The following MLPH variants were observed in gnomAD, a reference collection of about 807,000 sequenced individuals.
MLPH encodes melanophilin.
A neutral mutation model predicts 72.1 loss-of-function variants in MLPH; 51 were observed. That is an observed-to-expected ratio of 0.71 (90% CI 0.56 to 0.89). MLPH has a LOEUF of 0.89. MLPH is among the 40% of genes least tolerant of loss of function. The pLI, the probability that MLPH is intolerant of heterozygous loss-of-function variation, is 0.00. For synonymous variants in MLPH, 301 were observed against 310.1 expected (o/e 0.97, Z 0.31); for missense variants, 743 against 759.9 (o/e 0.98, Z 0.26).
chr2:237,493,830 G>C (rs2079478951), intron 2 of MLPH, among the ~76,000 whole-genome samples: 1 of 152,188 alleles, frequency 6.6e-6, no homozygotes, highest in Non-Finnish European at 1.5e-5. Context: ...TTGAAGAATA[G>C]AGCAAAAGGT....
chr2:237,540,578 G>A lies in MLPH; in HGVS notation c.1290+45G>A, dbSNP rs749329237. 8.2e-6 allele frequency: 13 copies of A among 1,583,668 alleles called. 1 individual carries two copies. The highest frequency in any genetic ancestry group is 1.0e-5 in the Non-Finnish European group (12 of 1,166,000). On this transcript the variant is annotated intron_variant, in intron 10 of 15. Coordinates refer to ENST00000264605, the MANE Select transcript of MLPH (RefSeq NM_024101.7). ...GTCTCAGCAGGACCCTGCAGAGGTA[G>A]GGGCAGGGATGGACAGTCCCAGCTG... is the stretch of plus-strand genomic sequence containing the variant.
intron 6 of MLPH, among the ~76,000 whole-genome samples, 185 bp downstream of exon 6, chr2:237,520,214 C>T (rs2080150829): frequency 6.6e-6 from 1 of 152,158 alleles, no homozygotes; most frequent in Non-Finnish European, 1.5e-5. Context: ...CCTCACACTC[C>T]CCCAGGATTA....
At position 237,513,008 on chromosome 2, in the gene MLPH, A is replaced by G. The variant is rs543402065; in HGVS notation, c.445+1907A>G. On this transcript the variant is annotated intron_variant, in intron 4 of 15. Transcript: ENST00000264605. Reference sequence around the variant, plus strand: ...TTCCCAGCAGCTCCCCCAAGCGCCCACAGGGGCTGCATTCCTCCCTGCTGG... The same window carrying G: ...TTCCCAGCAGCTCCCCCAAGCGCCCGCAGGGGCTGCATTCCTCCCTGCTGG... Among the ~76,000 whole-genome samples the G allele has an allele frequency of 2.5e-4, 38 of 152,170 alleles. 1 individual carries two copies. Among genetic ancestry groups the G allele is most frequent in the African/African-American group, 8.7e-4 (36 of 41,514 alleles).
At chr2:237,548,804 G>A (rs73100972) in intron 13 of MLPH, among the ~76,000 whole-genome samples, 14,338 of 152,250 alleles carry the variant, frequency 0.094, 1,311 homozygotes, top group East Asian at 0.29. Flanking sequence ...GCATAAACCC[G>A]GGAGGCGGAG....
rs1277489343 is a variant in MLPH, at chr2:237,542,576, A to G, written c.1456A>G (p.Ile486Val). The G allele has an allele frequency of 1.2e-6, 2 of 1,601,280 alleles. No homozygotes were observed. The highest frequency in any genetic ancestry group is 1.3e-5 in the African/African-American group (1 of 74,894). ...VQQAESEVSD[I>V]ESRIAALRAA... ...TGCTGTCCTCTCGCAGGTTTCAGAC[A>G]TTGAATCCAGGATTGCAGCCCTGAG... The change falls in exon 12 of 16, where the codon ATT (isoleucine) becomes GTT (valine). Residue 486 changes from isoleucine to valine, a missense_variant. Coordinates refer to ENST00000264605, the MANE Select transcript of MLPH (RefSeq NM_024101.7).
At position 237,510,964 on chromosome 2, in the gene MLPH, C is replaced by T; in HGVS notation, c.333-25C>T. On this transcript the variant is annotated intron_variant, in intron 3 of 15. Transcript: ENST00000264605. This position sits in a 1 kb window ranked among gnomAD's most constrained non-coding sequence, Gnocchi z 4.4. ...CCTGTGTACAGCACTCAGGCAGTGCCATGAGCCTGTGCTTGTCCCTGCAGA... is the reference window on the plus strand; with the variant it reads ...CCTGTGTACAGCACTCAGGCAGTGCTATGAGCCTGTGCTTGTCCCTGCAGA... The T allele has an allele frequency of 4.4e-6, 7 of 1,599,934 alleles. No individual in the cohort carries two copies. The highest frequency in any genetic ancestry group is 6.0e-6 in the Non-Finnish European group (7 of 1,167,746).
At chr2:237,546,148 A>G (rs2080914605) in intron 12 of MLPH, among the ~76,000 whole-genome samples, 2 of 152,204 alleles carry the variant, frequency 1.3e-5, no homozygotes, top group African/African-American at 4.8e-5. Flanking sequence ...AAAAGGTTGC[A>G]TTCTTTTGAG....
chr2:237,527,570 T>C, intron 8 of MLPH, 54 bp downstream of exon 8: 1 of 1,606,986 alleles, frequency 6.2e-7, no homozygotes, highest in Non-Finnish European at 8.5e-7. Flanking sequence ...TGGAGTCTTT[T>C]TACCTCCACA....
intron 12 of MLPH, among the ~76,000 whole-genome samples, chr2:237,545,224 GT>G (rs1559377600): frequency 1.1e-4 from 16 of 144,598 alleles, no homozygotes; most frequent in African/African-American, 4.1e-4. Context: ...AGTGGGGACA[GT>G]GGTGAGTGGG....
chr2:237,537,992 G>GT (rs1253342516), intron 9 of MLPH, among the ~76,000 whole-genome samples: 3 of 152,364 alleles, frequency 2.0e-5, no homozygotes, highest in African/African-American at 7.2e-5. Context: ...GAACGAGCAG[G>GT]TGCACGGGCA....
chr2:237,553,487 T>G (rs2081077132), intron 15 of MLPH, 79 bp from the exon 16 acceptor site: 2 of 1,328,824 alleles, frequency 1.5e-6, no homozygotes, highest in Admixed American at 1.8e-5. Context: ...TGTATTTGTA[T>G]GTGCATGCCC....
At chr2:237,530,196 A>G (rs999534820) in intron 8 of MLPH, among the ~76,000 whole-genome samples, 2 of 149,762 alleles carry the variant, frequency 1.3e-5, no homozygotes, top group African/African-American at 5.1e-5. Context: ...CTAGACCAGC[A>G]CTGGCTCACG....
At chr2:237,542,260 C>G (rs1288069300) in intron 11 of MLPH, among the ~76,000 whole-genome samples, 1 of 152,060 alleles carries the variant, frequency 6.6e-6, no homozygotes, top group Non-Finnish European at 1.5e-5. Flanking sequence ...CCTTGCATGT[C>G]ACGGCCCCTC....
At chr2:237,552,872 G>A (rs2081066621) in intron 15 of MLPH, among the ~76,000 whole-genome samples, 1 of 152,196 alleles carries the variant, frequency 6.6e-6, no homozygotes, top group South Asian at 2.1e-4. Flanking sequence ...TGTGTGTACT[G>A]TGTGCATGCC....
Position 237,520,030 on chromosome 2 carries a change from G to T in MLPH, c.675+1G>T. Reference sequence around the variant, plus strand: ...CCCTGAGGCCAGGGACAGCCCACAGGTCAGTGGGTCCTCGTGTCTTTCCCC... The same window carrying T: ...CCCTGAGGCCAGGGACAGCCCACAGTTCAGTGGGTCCTCGTGTCTTTCCCC... On this transcript the variant is annotated splice_donor_variant, in intron 6 of 15. Transcript: ENST00000264605. LOFTEE classifies it high-confidence loss of function. 1 of 1,613,876 alleles carries T rather than the reference G, an allele frequency of 6.2e-7. No individual in the cohort carries two copies. The highest frequency in any genetic ancestry group is 8.5e-7 in the Non-Finnish European group (1 of 1,180,006).
At position 237,552,225 on chromosome 2, in the gene MLPH, G is replaced by T; in HGVS notation, c.1676-112G>T. On this transcript the variant is annotated intron_variant, in intron 14 of 15. Transcript: ENST00000264605. ...TATGTGATGTGGAAGCTTCTTAAAAGGGGATATGTCCATTTTTTTCTACCT... is the reference window on the plus strand; with the variant it reads ...TATGTGATGTGGAAGCTTCTTAAAATGGGATATGTCCATTTTTTTCTACCT... The T allele has an allele frequency of 3.9e-6, 3 of 770,500 alleles. No individual in the cohort carries two copies. The South Asian group carries it at 4.6e-5, about 12-fold the overall frequency. 47.7% of individuals were successfully genotyped at this position (770,500 alleles called of 1,614,324 possible).
At position 237,525,713 on chromosome 2, in the gene MLPH, C is replaced by T. The variant is rs2080288376; in HGVS notation, c.788C>T (p.Thr263Ile). Residue 263 changes from threonine to isoleucine, a missense_variant, in exon 7 of 16, where the codon ACC (threonine) becomes ATC (isoleucine). Transcript: ENST00000264605. ...CACTCCCATCCGGAAGAGCAGCCGA[C>T]CAGCATCTCACCTTCCAGACACGGC... ...GCHSHPEEQP[T>I]SISPSRHGAL... 3 of 1,614,172 alleles carry T rather than the reference C, an allele frequency of 1.9e-6. No homozygotes were observed. The highest frequency in any genetic ancestry group is 1.7e-4 in the Middle Eastern group (1 of 6,060).
At position 237,518,617 on chromosome 2, in the gene MLPH, C is replaced by G; in HGVS notation, c.524C>G (p.Ala175Gly). The part of the protein sequence containing the change: ...TDEDGEPGSE[A>G]QAQAQPFGSK... Reference sequence around the variant, plus strand: ...GAGGATGGAGAACCTGGCTCAGAGGCCCAGGCCCAGGCCCAGCCCTTTGGC... The same window carrying G: ...GAGGATGGAGAACCTGGCTCAGAGGGCCAGGCCCAGGCCCAGCCCTTTGGC... The change falls in exon 5 of 16, where the codon GCC becomes GGC. Residue 175 changes from alanine (A) to glycine (G), a missense_variant. Physicochemically the swap from Ala to Gly is moderately conservative, Grantham distance 60. Transcript: ENST00000264605. 6.2e-7 allele frequency: 1 copy of G among 1,612,726 alleles called. No homozygotes were observed. Among genetic ancestry groups the G allele is most frequent in the Non-Finnish European group, 8.5e-7 (1 of 1,179,282 alleles).
Position 237,519,959 on chromosome 2 carries a change from A to C in MLPH, c.605A>C (p.Asp202Ala). The change falls in exon 6 of 16, where the codon GAT becomes GCT. Residue 202 changes from aspartate (D) to alanine (A), a missense_variant. Physicochemically the swap from Asp to Ala is moderately radical, Grantham distance 126. Transcript: ENST00000264605. Reference sequence around the variant, plus strand: ...GACTTCGACTTCGAGGGAGACTCAGATGACTCCACTCAGCCTCAAGGTCAC... The same window carrying C: ...GACTTCGACTTCGAGGGAGACTCAGCTGACTCCACTCAGCCTCAAGGTCAC... ...VHDFDFEGDS[D>A]DSTQPQGHSL... The C allele has an allele frequency of 6.2e-7, 1 of 1,613,986 alleles. No individual in the cohort carries two copies. The highest frequency in any genetic ancestry group is 8.5e-7 in the Non-Finnish European group (1 of 1,179,994).
Sources: allele counts gnomAD v4.1 joint callset (sites outside exome capture counted in the v4.1 genomes callset), GRCh38; gene constraint gnomAD v4.1.1; non-coding constraint Gnocchi (gnomAD v3.1); transcripts MANE v1.5; gene names NCBI Gene and HGNC (gene_info 2026-07-23, HGNC 2026-07-21).